Variants in TCP11L1 observed in about 807,000 individuals in gnomAD.
TCP11L1 encodes t-complex 11 like 1.
In TCP11L1, 28 loss-of-function variants were observed where a neutral mutation model predicts 48.9. The ratio of observed to expected loss-of-function variants is 0.57; its 90% confidence interval spans 0.42 to 0.78. The LOEUF is 0.78. Ranked by LOEUF, TCP11L1 falls within the 30% of genes least tolerant of loss-of-function variation. The pLI is 0.00. For missense variants in TCP11L1, 505 were observed against 613.4 expected, an observed-to-expected ratio of 0.82 and a Z score of 1.87; for synonymous variants, 204 against 231.9, an observed-to-expected ratio of 0.88 and a Z score of 1.09.
intron 5 of TCP11L1, 129 bp downstream of exon 5, chr11:33,058,268 G>T: frequency 1.2e-6 from 1 of 845,118 alleles, no homozygotes; most frequent in South Asian, 1.9e-5. Flanking sequence ...GCGTGATCTT[G>T]GTTCACTGCA....
intron 6 of TCP11L1, among the ~76,000 whole-genome samples, chr11:33,059,435 G>A (rs1213501419): frequency 6.6e-6 from 1 of 152,186 alleles, no homozygotes; most frequent in African/African-American, 2.4e-5. Context: ...CAGACATCCT[G>A]TGAATGTTAA....
Position 33,059,076 on chromosome 11 carries a change from G to C in TCP11L1, c.756G>C (p.Glu252Asp). ...SVEYERKKFQEILERQPNSLD... is the reference protein window; with the variant it reads ...SVEYERKKFQDILERQPNSLD... ...AATACGAAAGGAAGAAGTTTCAAGAGATTTTGGAGAGGCAACCAAGTATGT... is the reference window on the plus strand; with the variant it reads ...AATACGAAAGGAAGAAGTTTCAAGACATTTTGGAGAGGCAACCAAGTATGT... Residue 252 changes from glutamate to aspartate, a missense_variant, in exon 6 of 10, where the codon GAG (glutamate) becomes GAC (aspartate). Physicochemically the swap from Glu to Asp is conservative, Grantham distance 45. This residue lies in a region of TCP11L1 where 335 missense variants were observed against 413.3 expected (regional missense o/e 0.81). Coordinates refer to ENST00000334274, the MANE Select transcript of TCP11L1 (RefSeq NM_018393.4). 1 of 1,614,012 alleles carries C rather than the reference G, an allele frequency of 6.2e-7. No individual in the cohort carries two copies. Among genetic ancestry groups the C allele is most frequent in the Non-Finnish European group, 8.5e-7 (1 of 1,179,988 alleles).
chr11:33,050,872 G>A (rs1051421704), intron 2 of TCP11L1, among the ~76,000 whole-genome samples: 8 of 150,950 alleles, frequency 5.3e-5, no homozygotes, highest in Admixed American at 3.3e-4. Context: ...GGAGTGCTGT[G>A]GCGGGGTCAT....
chr11:33,072,910 T>G lies in TCP11L1; in HGVS notation c.*234T>G, dbSNP rs528323109. ...TTTACAAATCAAAGAAGCATTTTGTTCTCGAGTTTTACAGGTAACACTCAG... is the reference window on the plus strand; with the variant it reads ...TTTACAAATCAAAGAAGCATTTTGTGCTCGAGTTTTACAGGTAACACTCAG... On this transcript the variant is annotated 3_prime_UTR_variant, in exon 10 of 10. Coordinates refer to ENST00000334274, the MANE Select transcript of TCP11L1 (RefSeq NM_018393.4). 5.2e-5 allele frequency: 28 copies of G among 537,132 alleles called. No homozygotes were observed. The African/African-American group carries it at 5.3e-4, about 10-fold the overall frequency. The allele number at this position is 537,132 out of a possible 1,614,324, so 33.3% of individuals were successfully genotyped here. A position where few individuals can be genotyped will look rare whatever the true frequency, so the allele number is the denominator to read the frequency against.
intron 9 of TCP11L1, 152 bp downstream of exon 9, chr11:33,069,011 C>A: frequency 3.1e-6 from 3 of 965,628 alleles, no homozygotes; most frequent in Non-Finnish European, 4.5e-6. Flanking sequence ...CAGGGCCACC[C>A]AACAGATGGG....
chr11:33,051,387 T>C (rs1228250788), intron 2 of TCP11L1, among the ~76,000 whole-genome samples: 2 of 151,848 alleles, frequency 1.3e-5, no homozygotes, highest in Non-Finnish European at 2.9e-5. Flanking sequence ...CAGGATGGTC[T>C]TGTTCTCCCG....
intron 2 of TCP11L1, among the ~76,000 whole-genome samples, chr11:33,046,612 G>A (rs1390547502): frequency 6.6e-6 from 1 of 152,174 alleles, no homozygotes; most frequent in Admixed American, 6.5e-5. Flanking sequence ...AATGCCCTAA[G>A]GTATTCCTTT....
In TCP11L1 at chr11:33,073,004, G is replaced by A. The variant is rs1220424146; in HGVS notation, c.*328G>A. On this transcript the variant is annotated 3_prime_UTR_variant, in exon 10 of 10. Coordinates refer to ENST00000334274, the MANE Select transcript of TCP11L1 (RefSeq NM_018393.4). ...TGGGACCTCTCTCTTCTGCAATCTGGGTAGTTCTTTCAGATGCCTCATGCT... is the reference window on the plus strand; with the variant it reads ...TGGGACCTCTCTCTTCTGCAATCTGAGTAGTTCTTTCAGATGCCTCATGCT... 2 of 332,646 alleles carry A rather than the reference G, an allele frequency of 6.0e-6. No individual in the cohort carries two copies. The highest frequency in any genetic ancestry group is 4.6e-5 in the Admixed American group (1 of 21,822). The allele number at this position is 332,646 out of a possible 1,614,324, so 20.6% of individuals were successfully genotyped here. A position where few individuals can be genotyped will look rare whatever the true frequency, so the allele number is the denominator to read the frequency against.
intron 1 of TCP11L1, chr11:33,040,167 G>A (rs1590214716): frequency 1.3e-5 from 2 of 152,028 alleles, no homozygotes; most frequent in Admixed American, 1.3e-4. Flanking sequence ...TCCAGCCTAG[G>A]CCCGCGTGCA....
chr11:33,056,311 A>G (rs1017130177), intron 3 of TCP11L1, among the ~76,000 whole-genome samples: 12 of 151,832 alleles, frequency 7.9e-5, no homozygotes, highest in African/African-American at 2.7e-4. Flanking sequence ...GTATTTCACC[A>G]TGTTGGCCAG....
chr11:33,042,143 TTTG>T (rs1268378618), intron 1 of TCP11L1, among the ~76,000 whole-genome samples: 6 of 152,156 alleles, frequency 3.9e-5, no homozygotes, highest in Non-Finnish European at 5.9e-5. Context: ...TGTTTGTTTG[TTTG>T]TTTAGACAGA....
intron 3 of TCP11L1, 71 bp downstream of exon 3, chr11:33,054,796 A>G (rs914959600): frequency 1.4e-4 from 214 of 1,509,684 alleles, no homozygotes; most frequent in South Asian, 7.2e-4. Flanking sequence ...TGTTTCCTTC[A>G]GTTGATACCA....
intron 2 of TCP11L1, among the ~76,000 whole-genome samples, chr11:33,045,511 CCT>C (rs72027218): frequency 0.14 from 21,591 of 151,776 alleles, 1,653 homozygotes; most frequent in Middle Eastern, 0.22. Context: ...GTGAGACAAG[CCT>C]CTCTCAAAAA....
intron 6 of TCP11L1, among the ~76,000 whole-genome samples, chr11:33,060,111 T>C (rs1253953833): frequency 6.6e-6 from 1 of 152,174 alleles, no homozygotes; most frequent in African/African-American, 2.4e-5. Flanking sequence ...CTTGTTGTTG[T>C]TGTTGTTTTC....
chr11:33,059,226 G>A, intron 6 of TCP11L1, 131 bp downstream of exon 6: 1 of 1,247,356 alleles, frequency 8.0e-7, no homozygotes, highest in South Asian at 1.6e-5. Context: ...ATTTGAAGAA[G>A]GAAAAGCACA....
At chr11:33,044,854 G>T (rs923700530) in intron 2 of TCP11L1, among the ~76,000 whole-genome samples, 2 of 152,130 alleles carry the variant, frequency 1.3e-5, no homozygotes, top group African/African-American at 4.8e-5. Flanking sequence ...CATTTGTCAG[G>T]CCTGACTCCA....
rs1421268322 is a variant in TCP11L1 at position 33,058,942 on chromosome 11, A to G, written c.639-17A>G. ...TTACTTTACAAATGCTTGCTTCTAA[A>G]TCCTTTTTTCTTTCAGAGAAATTTT... is the stretch of plus-strand genomic sequence containing the variant. On this transcript the variant is annotated splice_polypyrimidine_tract_variant and intron_variant, in intron 5 of 9. Transcript: ENST00000334274. 3 of 1,610,864 alleles carry G rather than the reference A, an allele frequency of 1.9e-6. No homozygotes were observed. The African/African-American group carries it at 4.0e-5, about 22-fold the overall frequency.
chr11:33,049,676 T>C (rs1248278593), intron 2 of TCP11L1, among the ~76,000 whole-genome samples: 1 of 152,208 alleles, frequency 6.6e-6, no homozygotes, highest in Non-Finnish European at 1.5e-5. Context: ...AGAGCAGTAT[T>C]GCCGCTAGCA....
chr11:33,059,165 G>C, intron 6 of TCP11L1, 70 bp downstream of exon 6: 1 of 1,568,998 alleles, frequency 6.4e-7, no homozygotes, highest in South Asian at 1.2e-5. Flanking sequence ...ATAGCTTGTT[G>C]CATAATATTA....
Sources: allele counts gnomAD v4.1 joint callset (sites outside exome capture counted in the v4.1 genomes callset), GRCh38; gene constraint gnomAD v4.1.1; regional missense constraint gnomAD v4.1.1; transcripts MANE v1.5; gene names NCBI Gene and HGNC (gene_info 2026-07-23, HGNC 2026-07-21).